Variants in ZNF415 observed in about 807,000 individuals in gnomAD.
ZNF415 encodes zinc finger protein 415.
ZNF415 carries 5 observed loss-of-function variants against 7.3 expected under a neutral mutation model. The observed-to-expected ratio is 0.69, with a 90% CI of 0.36 to 1.44. The LOEUF (loss-of-function observed/expected upper bound fraction) is 1.44, where lower values mean the gene tolerates loss of function less well. Among genes scored for constraint, ZNF415 ranks in the 40% most tolerant of loss-of-function variants. The pLI, the probability that ZNF415 is intolerant of heterozygous loss-of-function variation, is 0.04. For missense variants in ZNF415, 628 were observed against 664.8 expected, an observed-to-expected ratio of 0.94 and a Z score of 0.61; for synonymous variants, 207 against 226.3, an observed-to-expected ratio of 0.91 and a Z score of 0.77.
chr19:53,116,173 CA>C, intron 3 of ZNF415, 139 bp downstream of exon 3: 1 of 1,007,240 alleles, frequency 9.9e-7, no homozygotes, highest in Non-Finnish European at 1.5e-6. Flanking sequence ...CTCCAGAGTT[CA>C]CATTATGGAG....
chr19:53,116,346 T>G lies in ZNF415; in HGVS notation c.103A>C (p.Met35Leu). Reference protein sequence around the residue: ...STQRTLYRDVMLENYRNLVSL... With the variant: ...STQRTLYRDVLLENYRNLVSL... ...ACCAGGTTCCTGTAGTTCTCCAACA[T>G]CACATCCCTGTATAAAGTCCTCTGT... The change falls in exon 3 of 4, where the codon ATG becomes CTG. Residue 35 changes from methionine (M) to leucine (L), a missense_variant. By Grantham distance (15) the Met-to-Leu change is conservative. Coordinates refer to ENST00000243643, the MANE Select transcript of ZNF415 (RefSeq NM_018355.4). 1 of 1,612,666 alleles carries G rather than the reference T, an allele frequency of 6.2e-7. No individual in the cohort carries two copies. The highest frequency in any genetic ancestry group is 8.5e-7 in the Non-Finnish European group (1 of 1,179,642).
chr19:53,116,364 TC>T lies in ZNF415; in HGVS notation c.84del (p.Thr29LeufsTer6), dbSNP rs2087025147. The T allele has an allele frequency of 1.9e-6, 3 of 1,613,664 alleles. No individual in the cohort carries two copies. Among genetic ancestry groups the T allele is most frequent in the Admixed American group, 3.3e-5 (2 of 59,906 alleles). On this transcript the variant is annotated frameshift_variant, in exon 3 of 4. Coordinates refer to ENST00000243643, the MANE Select transcript of ZNF415 (RefSeq NM_018355.4). LOFTEE classifies it high-confidence loss of function. Reference protein sequence around the residue: ...DEWKCLNSTQRTLYRDVMLEN... With the variant: ...DEWKCLNSTQXTLYRDVMLEN... ...TCCAACATCACATCCCTGTATAAAG[TC>T]CTCTGTGTAGAGTTCAGGCATTTCC...
intron 1 of ZNF415, chr19:53,124,382 G>A (rs1017344727): frequency 9.9e-5 from 15 of 151,648 alleles, no homozygotes; most frequent in African/African-American, 3.4e-4. Context: ...ACAAAATGGT[G>A]AGAGAGGAGA....
intron 1 of ZNF415, among the ~76,000 whole-genome samples, chr19:53,131,599 T>C (rs2090083569): frequency 6.6e-6 from 1 of 151,984 alleles, no homozygotes; most frequent in Non-Finnish European, 1.5e-5. Flanking sequence ...TTTCTCTAGC[T>C]CTTTCCTTCC....
intron 2 of ZNF415, among the ~76,000 whole-genome samples, chr19:53,121,401 AG>A (rs2088031325): frequency 6.6e-6 from 1 of 150,492 alleles, no homozygotes; most frequent in African/African-American, 2.4e-5. Flanking sequence ...AAAAAAAAAA[AG>A]TCCTACAATT....
intron 1 of ZNF415, among the ~76,000 whole-genome samples, chr19:53,129,161 AGG>A (rs1229394784): frequency 6.6e-6 from 1 of 152,170 alleles, no homozygotes; most frequent in Admixed American, 6.5e-5. Context: ...CGTGACAGGA[AGG>A]GTTTTGACAT....
intron 2 of ZNF415, among the ~76,000 whole-genome samples, chr19:53,118,235 A>C (rs28845271): frequency 0.096 from 14,614 of 152,226 alleles, 723 homozygotes; most frequent in East Asian, 0.12. Flanking sequence ...ACTAATAAAG[A>C]GATCAATTCA....
At chr19:53,127,786 C>T (rs1048736500) in intron 1 of ZNF415, among the ~76,000 whole-genome samples, 5 of 149,160 alleles carry the variant, frequency 3.4e-5, no homozygotes, top group African/African-American at 9.9e-5. Context: ...CTGAGGCACG[C>T]GAATCGCTTG....
intron 3 of ZNF415, 163 bp downstream of exon 3, chr19:53,116,150 G>C (rs1406375379): frequency 1.2e-6 from 1 of 826,614 alleles, no homozygotes; most frequent in Non-Finnish European, 1.9e-6. Context: ...TCTGGAAAAA[G>C]GGGATGGTTA....
Position 53,109,061 on chromosome 19 carries a change from G to A in ZNF415, c.984C>T (p.Tyr328=), listed in dbSNP as rs755668523. Reference sequence around the variant, plus strand: ...AGGCTTTGCCACACTCTTTACATGTGTAAGGTTTCTCTCCAATATGAGTTT... The same window carrying A: ...AGGCTTTGCCACACTCTTTACATGTATAAGGTTTCTCTCCAATATGAGTTT... ...HQKTHIGEKP[Y]TCKECGKAFS... Residue 328 remains tyrosine (Y), a synonymous_variant, in exon 4 of 4, where the codon TAC becomes TAT. Coordinates refer to ENST00000243643, the MANE Select transcript of ZNF415 (RefSeq NM_018355.4). 6.2e-7 allele frequency: 1 copy of A among 1,612,272 alleles called. No homozygotes were observed.
At chr19:53,124,393 CGAGAGA>C (rs59070823) in intron 1 of ZNF415, 5 of 147,406 alleles carry the variant, frequency 3.4e-5, no homozygotes, top group Non-Finnish European at 6.0e-5. Flanking sequence ...AGAGAGGAGA[CGAGAGA>C]GAGAGAGAGA....
chr19:53,123,295 C>T (rs527442164), intron 1 of ZNF415, among the ~76,000 whole-genome samples: 1 of 152,246 alleles, frequency 6.6e-6, no homozygotes, highest in African/African-American at 2.4e-5. Context: ...CACCTTCTGA[C>T]TCTATTCTCC....
intron 1 of ZNF415, among the ~76,000 whole-genome samples, chr19:53,122,944 T>C (rs2088377347): frequency 6.6e-6 from 1 of 151,962 alleles, no homozygotes; most frequent in Non-Finnish European, 1.5e-5. Context: ...TCTTCAGAAC[T>C]CCCTCCCCTC....
rs142532249 is a variant in ZNF415, at chr19:53,109,478, A to G, written c.567T>C (p.Val189=). 4.1e-4 allele frequency: 664 copies of G among 1,614,098 alleles called. 5 individuals carry two copies. In the African/African-American group the frequency reaches 7.9e-3, roughly 19 times the overall value. The change falls in exon 4 of 4, where the codon GTT becomes GTC. Residue 189 remains valine, a synonymous_variant. Transcript: ENST00000243643. ...QIISSTIKTH[V]SNKYGTDFIC... ...TGAAATCAGTCCCATATTTATTAGAAACATGGGTTTTGATGGTAGAAGAAA... is the reference window on the plus strand; with the variant it reads ...TGAAATCAGTCCCATATTTATTAGAGACATGGGTTTTGATGGTAGAAGAAA...
Position 53,109,030 on chromosome 19 carries a change from C to T in ZNF415, c.1015G>A (p.Val339Met). 1 of 1,613,746 alleles carries T rather than the reference C, an allele frequency of 6.2e-7. No homozygotes were observed. Among genetic ancestry groups the T allele is most frequent in the South Asian group, 1.1e-5 (1 of 91,064 alleles). ...TCKECGKAFS[V>M]RSTLTNHQVI... is the part of the protein sequence containing the mutation. ...TGATGGTTGGTAAGTGTTGACCTCA[C>T]ACTAAAGGCTTTGCCACACTCTTTA... The change falls in exon 4 of 4, where the codon GTG (valine) becomes ATG (methionine). Residue 339 changes from valine (V) to methionine (M), a missense_variant. Coordinates refer to ENST00000243643, the MANE Select transcript of ZNF415 (RefSeq NM_018355.4).
chr19:53,128,540 G>A (rs1236304841), intron 1 of ZNF415, among the ~76,000 whole-genome samples: 2 of 111,918 alleles, frequency 1.8e-5, no homozygotes, highest in Admixed American at 1.0e-4. Flanking sequence ...CCCTGACTGT[G>A]AGCGCATCAC....
intron 3 of ZNF415, chr19:53,116,030 A>G: frequency 1.6e-6 from 1 of 614,546 alleles, no homozygotes; most frequent in Non-Finnish European, 2.8e-6. Flanking sequence ...TACTGAATCA[A>G]AGCACAGGGG....
chr19:53,112,236 G>A (rs373897651), intron 3 of ZNF415, among the ~76,000 whole-genome samples: 1 of 152,168 alleles, frequency 6.6e-6, no homozygotes, highest in Non-Finnish European at 1.5e-5. Context: ...GAGCAACCAC[G>A]CCGGGCCATC....
chr19:53,115,399 T>G (rs1341944926), intron 3 of ZNF415: 1 of 364,256 alleles, frequency 2.7e-6, no homozygotes, highest in Non-Finnish European at 5.1e-6. Context: ...ACCCTTGTGA[T>G]GTGGCCCCTC....
Sources: gnomAD v4.1 joint callset for allele counts (sites outside exome capture counted in the v4.1 genomes callset) on GRCh38, gnomAD v4.1.1 for gene constraint, MANE v1.5 for transcripts, NCBI Gene and HGNC (gene_info 2026-07-23, HGNC 2026-07-21) for gene names.